IKZF1: variants seen among roughly 807,000 people sequenced by gnomAD.
IKZF1 encodes DNA-binding protein Ikaros.
In IKZF1, 10 loss-of-function variants were observed where a neutral mutation model predicts 51.7. The ratio of observed to expected loss-of-function variants is 0.19; its 90% CI spans 0.12 to 0.33. IKZF1 has a LOEUF of 0.33. Ranked by LOEUF, IKZF1 falls within the 10% of genes least tolerant of loss-of-function variation. The pLI, the probability that IKZF1 is intolerant of heterozygous loss-of-function variation, is 1.00. For synonymous variants in IKZF1, 280 were observed against 282.3 expected, an observed-to-expected ratio of 0.99 and a Z score of 0.08; for missense variants, 484 against 707.5, an observed-to-expected ratio of 0.68 and a Z score of 3.58.
intron 3 of IKZF1, among the ~76,000 whole-genome samples, chr7:50,371,817 G>T (rs114837160): frequency 4.0e-4 from 61 of 152,302 alleles, no homozygotes; most frequent in African/African-American, 1.4e-3. Flanking sequence ...GGAGGCGTGC[G>T]TACAGCCTGG....
intron 1 of IKZF1, among the ~76,000 whole-genome samples, chr7:50,309,185 G>T (rs1045508987): frequency 6.6e-6 from 1 of 152,172 alleles, no homozygotes; most frequent in African/African-American, 2.4e-5. Context: ...GTGGAAAAGT[G>T]CTTTCTTCAT....
Position 50,391,711 on chromosome 7 carries a change from C to A in IKZF1, c.716-18C>A. ...AACATAAGCCTTTCTAAACTGGCCT[C>A]TCTGTCTTTGACTTTAGTCATTAAA... On this transcript the variant is annotated intron_variant, in intron 6 of 7. Coordinates refer to ENST00000331340, the MANE Select transcript of IKZF1 (RefSeq NM_006060.6). 6.2e-7 allele frequency: 1 copy of A among 1,613,352 alleles called. No individual in the cohort carries two copies. The highest frequency in any genetic ancestry group is 8.5e-7 in the Non-Finnish European group (1 of 1,179,646).
In IKZF1 at chr7:50,403,263, A is replaced by G. The variant is rs536438095; in HGVS notation, c.*2636A>G. On this transcript the variant is annotated 3_prime_UTR_variant, in exon 8 of 8. Coordinates refer to ENST00000331340, the MANE Select transcript of IKZF1 (RefSeq NM_006060.6). ...TAACTTATGTTTAAAAGGTGGCCAT[A>G]TCATGTACCAAAAGTTGCTGAAGTT... 2.3e-5 allele frequency: 5 copies of G among 222,016 alleles called. No homozygotes were observed. In the South Asian group the frequency reaches 9.2e-4, roughly 41 times the overall value. The allele number at this position is 222,016 out of a possible 1,614,324, so 13.8% of individuals were successfully genotyped here.
chr7:50,354,268 T>A (rs1802642082), intron 3 of IKZF1, among the ~76,000 whole-genome samples: 1 of 152,158 alleles, frequency 6.6e-6, no homozygotes, highest in Non-Finnish European at 1.5e-5. Context: ...GGAAAACCAG[T>A]GCAAAGGTGT....
At chr7:50,333,459 A>G (rs1466256875) in intron 3 of IKZF1, among the ~76,000 whole-genome samples, 1 of 152,170 alleles carries the variant, frequency 6.6e-6, no homozygotes, top group Non-Finnish European at 1.5e-5. Context: ...CAGGCTTTTG[A>G]GCACGGATGC....
intron 1 of IKZF1, among the ~76,000 whole-genome samples, chr7:50,316,462 A>G (rs1035990008): frequency 1.3e-5 from 2 of 152,210 alleles, no homozygotes; most frequent in Admixed American, 1.3e-4. Flanking sequence ...CAGCAGGCCC[A>G]CGTGCGAAAA....
Position 50,401,673 on chromosome 7 carries a change from G to A in IKZF1, c.*1046G>A, listed in dbSNP as rs1190030930. ...TCATTTTAATTATGTACATCTGTTTGTAGCCACAAGCCTGAATTTCTCAGT... is the reference window on the plus strand; with the variant it reads ...TCATTTTAATTATGTACATCTGTTTATAGCCACAAGCCTGAATTTCTCAGT... On this transcript the variant is annotated 3_prime_UTR_variant, in exon 8 of 8. Coordinates refer to ENST00000331340, the MANE Select transcript of IKZF1 (RefSeq NM_006060.6). 4 of 218,772 alleles carry A rather than the reference G, an allele frequency of 1.8e-5. No individual in the cohort carries two copies. Among genetic ancestry groups the A allele is most frequent in the Non-Finnish European group, 3.7e-5 (4 of 109,010 alleles). The allele number at this position is 218,772 out of a possible 1,614,324, so 13.6% of individuals were successfully genotyped here.
intron 1 of IKZF1, among the ~76,000 whole-genome samples, chr7:50,317,342 A>G (rs1191601145): frequency 1.3e-5 from 2 of 152,232 alleles, no homozygotes; most frequent in Non-Finnish European, 2.9e-5. Context: ...TTCCTATATT[A>G]GTGTGGCACG....
chr7:50,353,724 A>G (rs955584689), intron 3 of IKZF1, among the ~76,000 whole-genome samples: 4 of 152,218 alleles, frequency 2.6e-5, no homozygotes, highest in African/African-American at 4.8e-5. Context: ...CTCTCTTTTC[A>G]GCGAATCTCT....
intron 1 of IKZF1, among the ~76,000 whole-genome samples, chr7:50,307,890 T>C (rs1387477899): frequency 3.3e-5 from 5 of 152,154 alleles, no homozygotes; most frequent in Non-Finnish European, 5.9e-5. Flanking sequence ...CCAAAGGATA[T>C]CGACAGTAAC....
chr7:50,332,664 AG>A (rs1796673721), intron 3 of IKZF1, among the ~76,000 whole-genome samples: 1 of 152,170 alleles, frequency 6.6e-6, no homozygotes, highest in African/African-American at 2.4e-5. Context: ...ATGTAAGTGG[AG>A]ATGGGTTGGT....
intron 2 of IKZF1, among the ~76,000 whole-genome samples, chr7:50,324,073 CA>C (rs1444806549): frequency 6.6e-6 from 1 of 152,166 alleles, no homozygotes; most frequent in African/African-American, 2.4e-5. Flanking sequence ...TTGATTTAGT[CA>C]TTTATTTTTT....
chr7:50,339,381 T>C (rs1210320724), intron 3 of IKZF1, among the ~76,000 whole-genome samples: 1 of 152,116 alleles, frequency 6.6e-6, no homozygotes, highest in African/African-American at 2.4e-5. Context: ...ACTGGAAATG[T>C]TGGAGCAACT....
intron 2 of IKZF1, among the ~76,000 whole-genome samples, chr7:50,323,451 G>T (rs961391306): frequency 2.6e-5 from 4 of 152,188 alleles, no homozygotes; most frequent in Admixed American, 6.5e-5. Flanking sequence ...ACAGAACTTT[G>T]TTGAGTGAAT....
rs939996930 is a variant in IKZF1 at position 50,356,871 on chromosome 7, C to T, written c.161-19662C>T. 5.3e-5 allele frequency among the ~76,000 whole-genome samples: 8 copies of T among 151,856 alleles called. No individual in the cohort carries two copies. In the East Asian group the frequency reaches 5.8e-4, roughly 11 times the overall value. The stretch of plus-strand genomic sequence containing the variant: ...CTACCTCCTGGAGACCAGGGTGGGA[C>T]GGTGTCTCTGGATATGGAGGGAAGG... On this transcript the variant is annotated intron_variant, in intron 3 of 7. Transcript: ENST00000331340.
intron 1 of IKZF1, among the ~76,000 whole-genome samples, chr7:50,309,480 T>G (rs2153331003): frequency 6.6e-6 from 1 of 152,290 alleles, no homozygotes; most frequent in Non-Finnish European, 1.5e-5. Flanking sequence ...CCCTCTTTCT[T>G]TCTATAATTG....
chr7:50,349,846 T>C (rs1801381097), intron 3 of IKZF1, among the ~76,000 whole-genome samples: 1 of 152,202 alleles, frequency 6.6e-6, no homozygotes, highest in Non-Finnish European at 1.5e-5. Flanking sequence ...TAAAACATGT[T>C]ATTGGGTCTA....
At chr7:50,364,757 A>AGAGT (rs1268883401) in intron 3 of IKZF1, among the ~76,000 whole-genome samples, 1 of 152,210 alleles carries the variant, frequency 6.6e-6, no homozygotes, top group East Asian at 1.9e-4. Flanking sequence ...GCTGGCTCCT[A>AGAGT]GAGTGCGAGG....
rs567278219 is a variant in IKZF1 at position 50,389,646 on chromosome 7, A to G, written c.716-2083A>G. ...TGATCATAAATATCTTTCGACAGTC[A>G]CCTTTGGTTTTTGCCCTTGCCAGCA... On this transcript the variant is annotated intron_variant, in intron 6 of 7. Coordinates refer to ENST00000331340, the MANE Select transcript of IKZF1 (RefSeq NM_006060.6). Among the ~76,000 whole-genome samples, 3 of 152,166 alleles carry G rather than the reference A, an allele frequency of 2.0e-5. No homozygotes were observed. The East Asian group carries it at 5.8e-4, about 29-fold the overall frequency.
Sources: allele counts gnomAD v4.1 joint callset (sites outside exome capture counted in the v4.1 genomes callset), GRCh38; gene constraint gnomAD v4.1.1; transcripts MANE v1.5; gene names NCBI Gene and HGNC (gene_info 2026-07-23, HGNC 2026-07-21).